Variants in ENAM observed in about 807,000 individuals in gnomAD.
ENAM encodes the protein amelogenesis imperfecta 2, hypocalcification (autosomal dominant).
In ENAM, 21 loss-of-function variants were observed where a neutral mutation model predicts 33.6. The ratio of observed to expected loss-of-function variants is 0.63; its 90% CI spans 0.44 to 0.90. The LOEUF is 0.90. ENAM is among the 40% of genes least tolerant of loss of function. The probability of loss-of-function intolerance (pLI) is 0.00; values close to 1 mark genes in which losing one functional copy is unlikely to be tolerated. For synonymous variants in ENAM, 473 were observed against 468.4 expected (o/e 1.01, Z -0.13); for missense variants, 1,388 against 1,366.9 (o/e 1.02, Z -0.24).
chr4:70,635,697 C>T (rs1577969602), intron 6 of ENAM, 135 bp from the exon 7 acceptor site: 2 of 680,400 alleles, frequency 2.9e-6, no homozygotes, highest in African/African-American at 1.8e-5. Context: ...ATCGTCTTTG[C>T]CCTATAAAAA....
At position 70,645,239 on chromosome 4, in the gene ENAM, G is replaced by GATTCGGCGACCACC; in HGVS notation, c.*384_*385insATTCGGCGACCACC. 1 of 283,036 alleles carries GATTCGGCGACCACC rather than the reference G, an allele frequency of 3.5e-6. No homozygotes were observed. The highest frequency in any genetic ancestry group is 8.0e-5 in the South Asian group (1 of 12,490). 17.5% of individuals were successfully genotyped at this position (283,036 alleles called of 1,614,324 possible). A position where few individuals can be genotyped will look rare whatever the true frequency, so the allele number is the denominator to read the frequency against. The stretch of plus-strand genomic sequence containing the variant: ...CAGATTAACTTTCCATTCTACTTAT[G>GATTCGGCGACCACC]GAGATCCACACATCAGTATAGTCCT... On this transcript the variant is annotated 3_prime_UTR_variant, in exon 9 of 9. Coordinates refer to ENST00000396073, the MANE Select transcript of ENAM (RefSeq NM_031889.3).
chr4:70,635,775 A>G, intron 6 of ENAM, 57 bp from the exon 7 acceptor site: 1 of 1,134,684 alleles, frequency 8.8e-7, no homozygotes, highest in Non-Finnish European at 1.3e-6. Flanking sequence ...AGTTTCCTTC[A>G]TTTTTTTATG....
rs753026810 is a variant in ENAM at position 70,643,852 on chromosome 4, A to G, written c.2426A>G (p.Tyr809Cys). Residue 809 changes from tyrosine to cysteine, a missense_variant, in exon 9 of 9, where the codon TAT (tyrosine) becomes TGT (cysteine). Coordinates refer to ENST00000396073, the MANE Select transcript of ENAM (RefSeq NM_031889.3). ...CCAGACCAGAAAGGTAACCAGCCCT[A>G]TTACAGTAACACCCCAGCTGGGCTT... ...RPPDQKGNQPYYSNTPAGLQK... is the reference protein window; with the variant it reads ...RPPDQKGNQPCYSNTPAGLQK... The G allele has an allele frequency of 1.9e-5, 31 of 1,614,228 alleles. No homozygotes were observed. In the Middle Eastern group the frequency reaches 4.9e-4, roughly 26 times the overall value.
chr4:70,641,612 A>T (rs1013678764), intron 8 of ENAM, among the ~76,000 whole-genome samples: 21 of 151,110 alleles, frequency 1.4e-4, no homozygotes, highest in Non-Finnish European at 1.2e-4. Flanking sequence ...ATTGTCTCGA[A>T]CTCCTGACCT....
At chr4:70,630,781 G>A (rs184033262) in intron 2 of ENAM, among the ~76,000 whole-genome samples, 1,491 of 148,884 alleles carry the variant, frequency 0.01, 22 homozygotes, top group African/African-American at 0.032. Context: ...TCACTCTGTC[G>A]CCCAGGCTGG....
Position 70,642,738 on chromosome 4 carries a change from G to C in ENAM, c.1312G>C (p.Glu438Gln). Residue 438 changes from glutamate to glutamine, a missense_variant, in exon 9 of 9, where the codon GAG becomes CAG. Transcript: ENST00000396073. ...VRNEKIQNPK[E>Q]KPLGPKEQII... The stretch of plus-strand genomic sequence containing the variant: ...CAATGAAAAAATCCAAAATCCAAAG[G>C]AGAAGCCCCTGGGTCCAAAAGAACA... The C allele has an allele frequency of 6.2e-7, 1 of 1,607,314 alleles. No individual in the cohort carries two copies. Among genetic ancestry groups the C allele is most frequent in the Non-Finnish European group, 8.5e-7 (1 of 1,177,820 alleles).
chr4:70,629,927 A>T (rs1490581845), intron 2 of ENAM, among the ~76,000 whole-genome samples: 2 of 152,178 alleles, frequency 1.3e-5, no homozygotes, highest in Non-Finnish European at 2.9e-5. Flanking sequence ...GATGAGATGA[A>T]TGATTAAGCA....
rs529369991 is a variant in ENAM at position 70,644,748 on chromosome 4, A to G, written c.3322A>G (p.Ile1108Val). The part of the protein sequence containing the change: ...ELATEEQFKS[I>V]NVDPLDADEH... ...AGCTACTGAGGAACAATTTAAGAGT[A>G]TAAATGTAGACCCACTTGATGCAGA... Residue 1108 changes from isoleucine (I) to valine (V), a missense_variant, in exon 9 of 9, where the codon ATA becomes GTA. Physicochemically the swap from Ile to Val is conservative, Grantham distance 29. Transcript: ENST00000396073. 5 of 1,614,080 alleles carry G rather than the reference A, an allele frequency of 3.1e-6. No individual in the cohort carries two copies. In the East Asian group the frequency reaches 8.9e-5, roughly 29 times the overall value.
At chr4:70,637,978 T>TA in intron 8 of ENAM, 135 bp downstream of exon 8, 1 of 714,110 alleles carries the variant, frequency 1.4e-6, no homozygotes, top group Non-Finnish European at 2.4e-6. Flanking sequence ...TTTTAGAAAA[T>TA]AAAAAAGTTA....
intron 6 of ENAM, among the ~76,000 whole-genome samples, 169 bp from the exon 7 acceptor site, chr4:70,635,663 A>G (rs990958928): frequency 2.6e-5 from 4 of 152,246 alleles, no homozygotes; most frequent in African/African-American, 7.2e-5. Context: ...TGTGTGTCCA[A>G]TGATACTAAT....
At chr4:70,640,089 G>A (rs1369223574) in intron 8 of ENAM, among the ~76,000 whole-genome samples, 2 of 152,164 alleles carry the variant, frequency 1.3e-5, no homozygotes. Flanking sequence ...CATACTGACT[G>A]AGTTCGTGAT....
chr4:70,643,633 C>T lies in ENAM; in HGVS notation c.2207C>T (p.Thr736Ile). The change falls in exon 9 of 9, where the codon ACT becomes ATT. Residue 736 changes from threonine (T) to isoleucine (I), a missense_variant. Thr to Ile is a moderately conservative substitution (Grantham distance 89). Coordinates refer to ENST00000396073, the MANE Select transcript of ENAM (RefSeq NM_031889.3). ...ENFPSYNTASTMPPPIESRGY... is the reference protein window; with the variant it reads ...ENFPSYNTASIMPPPIESRGY... ...TTTCCATCATATAATACAGCTTCTA[C>T]TATGCCACCACCTATAGAGAGCAGG... 1 of 1,614,142 alleles carries T rather than the reference C, an allele frequency of 6.2e-7. No individual in the cohort carries two copies.
Position 70,637,791 on chromosome 4 carries a change from G to A in ENAM, c.536G>A (p.Arg179Lys), listed in dbSNP as rs895266101. 1.3e-5 allele frequency: 21 copies of A among 1,613,482 alleles called. No individual in the cohort carries two copies. The highest frequency in any genetic ancestry group is 1.8e-5 in the Non-Finnish European group (21 of 1,179,488). ...TTCACTGTGTTTTTCACTTCTCAGAGGTTACCACCACCAGGTTATGGACGC... is the reference window on the plus strand; with the variant it reads ...TTCACTGTGTTTTTCACTTCTCAGAAGTTACCACCACCAGGTTATGGACGC... ...YQQPPWQIPQRLPPPGYGRPP... is the reference protein window; with the variant it reads ...YQQPPWQIPQKLPPPGYGRPP... The change falls in exon 8 of 9, where the codon AGG becomes AAG. Residue 179 changes from arginine to lysine, a missense_variant and splice_region_variant. Physicochemically the swap from Arg to Lys is conservative, Grantham distance 26. Transcript: ENST00000396073.
chr4:70,638,628 A>T (rs1344533035), intron 8 of ENAM, among the ~76,000 whole-genome samples: 1 of 150,776 alleles, frequency 6.6e-6, no homozygotes, highest in Non-Finnish European at 1.5e-5. Context: ...CAGCTTTAAG[A>T]TTATGTATAT....
Position 70,644,996 on chromosome 4 carries a change from G to A in ENAM, c.*141G>A. On this transcript the variant is annotated 3_prime_UTR_variant, in exon 9 of 9. Coordinates refer to ENST00000396073, the MANE Select transcript of ENAM (RefSeq NM_031889.3). ...TAAGTTTTCTCCCCTCTCAGCAATA[G>A]GAGTAGCGACCCAGGTGGAGCTGAG... The A allele has an allele frequency of 1.5e-5, 11 of 724,028 alleles. No individual in the cohort carries two copies. Among genetic ancestry groups the A allele is most frequent in the Middle Eastern group, 3.6e-4 (1 of 2,748 alleles). 44.9% of individuals were successfully genotyped at this position (724,028 alleles called of 1,614,324 possible).
In ENAM at chr4:70,643,453, G is replaced by A; in HGVS notation, c.2027G>A (p.Ser676Asn). ...PGQNRWGEEL[S>N]FKGGPTVRHY... ...CAAAATAGATGGGGTGAAGAGTTGA[G>A]CTTCAAAGGAGGCCCAACAGTTAGG... Residue 676 changes from serine to asparagine, a missense_variant, in exon 9 of 9, where the codon AGC becomes AAC. Coordinates refer to ENST00000396073, the MANE Select transcript of ENAM (RefSeq NM_031889.3). 6.2e-7 allele frequency: 1 copy of A among 1,614,128 alleles called. No individual in the cohort carries two copies. The highest frequency in any genetic ancestry group is 8.5e-7 in the Non-Finnish European group (1 of 1,179,988).
chr4:70,644,623 A>T lies in ENAM; in HGVS notation c.3197A>T (p.His1066Leu). 6.2e-7 allele frequency: 1 copy of T among 1,613,582 alleles called. No homozygotes were observed. Among genetic ancestry groups the T allele is most frequent in the Non-Finnish European group, 8.5e-7 (1 of 1,179,704 alleles). Residue 1066 changes from histidine to leucine, a missense_variant, in exon 9 of 9, where the codon CAC (histidine) becomes CTC (leucine). Physicochemically the swap from His to Leu is moderately conservative, Grantham distance 99 (BLOSUM62 -3). Transcript: ENST00000396073. ...PCFGSKLAKH[H>L]SSTTGTPSSD... The stretch of plus-strand genomic sequence containing the variant: ...TTTGGCTCCAAATTAGCAAAGCATC[A>T]CTCTTCCACCACCGGAACTCCATCT...
In ENAM at chr4:70,642,325, A is replaced by G. The variant is rs886059583; in HGVS notation, c.899A>G (p.Gln300Arg). 1.9e-6 allele frequency: 3 copies of G among 1,614,068 alleles called. No homozygotes were observed. Among genetic ancestry groups the G allele is most frequent in the Non-Finnish European group, 2.5e-6 (3 of 1,180,024 alleles). Reference protein sequence around the residue: ...GPLPAVNASGQGGPGSQIPWR... With the variant: ...GPLPAVNASGRGGPGSQIPWR... ...CTCCCTGCAGTCAACGCTTCAGGCC[A>G]GGGAGGGCCAGGAAGTCAAATCCCA... The change falls in exon 9 of 9, where the codon CAG becomes CGG. Residue 300 changes from glutamine (Q) to arginine (R), a missense_variant. Coordinates refer to ENST00000396073, the MANE Select transcript of ENAM (RefSeq NM_031889.3).
intron 8 of ENAM, among the ~76,000 whole-genome samples, chr4:70,638,243 C>T (rs1485403779): frequency 6.6e-6 from 1 of 152,054 alleles, no homozygotes; most frequent in Non-Finnish European, 1.5e-5. Flanking sequence ...TTTTACTATA[C>T]CACACTAGGA....
Sources: allele counts gnomAD v4.1 joint callset (sites outside exome capture counted in the v4.1 genomes callset), GRCh38; gene constraint gnomAD v4.1.1; transcripts MANE v1.5; gene names NCBI Gene and HGNC (gene_info 2026-07-23, HGNC 2026-07-21).